Variants in FMN1 observed in about 807,000 individuals in gnomAD.
FMN1 encodes the protein formin-1.
A neutral mutation model predicts 132.4 loss-of-function variants in FMN1; 110 were observed. The ratio of observed to expected loss-of-function variants is 0.83; its 90% CI spans 0.71 to 0.97. FMN1 has a LOEUF of 0.97. Among genes scored for constraint, FMN1 ranks in the 50% least tolerant of loss-of-function variants. FMN1 has a pLI of 0.00. For synonymous variants in FMN1, 722 were observed against 651.7 expected, an observed-to-expected ratio of 1.11 and a Z score of -1.64; for missense variants, 1,792 against 1,705.3, an observed-to-expected ratio of 1.05 and a Z score of -0.90.
intron 17 of FMN1, among the ~76,000 whole-genome samples, chr15:32,838,500 A>G (rs1431707274): frequency 1.3e-5 from 2 of 152,172 alleles, no homozygotes; most frequent in East Asian, 3.9e-4. Context: ...AAACACAAAC[A>G]GCAGCAGCCG....
In FMN1 at chr15:32,767,893, T is replaced by G. The variant is rs2056100427; in HGVS notation, c.*6417A>C. Reference sequence around the variant, plus strand: ...ATGGAAATGGAAGCCTTCCAAATATTATGCAGAACACAATCTCAGTGGCGC... The same window carrying G: ...ATGGAAATGGAAGCCTTCCAAATATGATGCAGAACACAATCTCAGTGGCGC... On this transcript the variant is annotated 3_prime_UTR_variant, in exon 21 of 21. Coordinates refer to ENST00000616417, the MANE Select transcript of FMN1 (RefSeq NM_001277313.2). The G allele has an allele frequency of 6.6e-6, 1 of 152,216 alleles. No individual in the cohort carries two copies. The allele number at this position is 152,216 out of a possible 1,614,324, so 9.4% of individuals were successfully genotyped here.
intron 9 of FMN1, among the ~76,000 whole-genome samples, chr15:32,927,826 T>C (rs2140361579): frequency 6.6e-6 from 1 of 152,354 alleles, no homozygotes; most frequent in East Asian, 1.9e-4. Flanking sequence ...ACAAATGTTT[T>C]TAATGTGCTT....
At chr15:33,007,952 G>A in intron 7 of FMN1, 62 bp downstream of exon 7, 3 of 1,380,606 alleles carry the variant, frequency 2.2e-6, no homozygotes, top group East Asian at 2.4e-5. Flanking sequence ...ATTTACTTCA[G>A]CATAGGAGAA....
chr15:33,151,100 A>G, intron 4 of FMN1: 1 of 1,342,534 alleles, frequency 7.4e-7, no homozygotes, highest in Non-Finnish European at 9.6e-7. Flanking sequence ...GGGAAAATCA[A>G]GAGAGAAAAG....
chr15:33,130,500 T>A (rs1307059668), intron 4 of FMN1, among the ~76,000 whole-genome samples: 3 of 152,208 alleles, frequency 2.0e-5, no homozygotes, highest in Non-Finnish European at 4.4e-5. Context: ...GTTTAAAAAA[T>A]TAAGGTGATT....
chr15:32,806,609 G>A (rs934386277), intron 17 of FMN1, among the ~76,000 whole-genome samples: 5 of 152,194 alleles, frequency 3.3e-5, no homozygotes. Flanking sequence ...CTGCACTTAA[G>A]TCGGCTCCCT....
chr15:33,133,872 T>G (rs1963650647), intron 4 of FMN1, among the ~76,000 whole-genome samples: 1 of 152,222 alleles, frequency 6.6e-6, no homozygotes, highest in African/African-American at 2.4e-5. Flanking sequence ...CACAAAGCTT[T>G]TATAAGCCAT....
At chr15:32,940,963 T>C (rs927954449) in intron 9 of FMN1, among the ~76,000 whole-genome samples, 4 of 152,104 alleles carry the variant, frequency 2.6e-5, no homozygotes, top group Admixed American at 6.6e-5. Flanking sequence ...AGCTTCATCA[T>C]ATTAAAAGGA....
chr15:32,789,351 G>A (rs947008781), intron 19 of FMN1, among the ~76,000 whole-genome samples: 1 of 152,134 alleles, frequency 6.6e-6, no homozygotes, highest in South Asian at 2.1e-4. Flanking sequence ...GAAGGACACC[G>A]TATGTGATCA....
chr15:32,942,356 C>A (rs542783954), intron 9 of FMN1, among the ~76,000 whole-genome samples: 1 of 152,334 alleles, frequency 6.6e-6, no homozygotes, highest in Admixed American at 6.5e-5. Context: ...TAGAAAAGTT[C>A]TGCCAGACAG....
At chr15:33,014,629 C>G (rs765519799) in intron 6 of FMN1, among the ~76,000 whole-genome samples, 1 of 152,076 alleles carries the variant, frequency 6.6e-6, no homozygotes, top group Non-Finnish European at 1.5e-5. Flanking sequence ...TGGCAGGATT[C>G]AACATTTTGG....
intron 5 of FMN1, among the ~76,000 whole-genome samples, chr15:33,069,863 T>A (rs2037916057): frequency 6.6e-6 from 1 of 152,134 alleles, no homozygotes; most frequent in African/African-American, 2.4e-5. Flanking sequence ...AAAAATTCAA[T>A]GGTGTCTTTT....
At position 32,927,971 on chromosome 15, in the gene FMN1, C is replaced by T. The variant is rs560069491; in HGVS notation, c.3139-1710G>A. On this transcript the variant is annotated intron_variant, in intron 9 of 20. Coordinates refer to ENST00000616417, the MANE Select transcript of FMN1 (RefSeq NM_001277313.2). ...TACATTTGTATTATTACTGTAATAG[C>T]TGAGTTGCTTGCTGGTTGAAAAGTA... is the stretch of plus-strand genomic sequence containing the variant. 4.6e-5 allele frequency among the ~76,000 whole-genome samples: 7 copies of T among 152,314 alleles called. No homozygotes were observed. The East Asian group carries it at 1.3e-3, about 29-fold the overall frequency.
rs902773394 is a variant in FMN1, at chr15:33,153,459, TG to T, written c.1455del (p.Arg486GlufsTer201). On this transcript the variant is annotated frameshift_variant, in exon 4 of 21. Coordinates refer to ENST00000616417, the MANE Select transcript of FMN1 (RefSeq NM_001277313.2). LOFTEE classifies it high-confidence loss of function. The part of the protein sequence containing the change: ...PHKVGPDSSQ[P>X]RGDKKKPSPP... Reference sequence around the variant, plus strand: ...GGGGATGGCTTCTTCTTATCACCTCTGGGTTGTGAGGAGTCAGGACCTACTT... The same window carrying T: ...GGGGATGGCTTCTTCTTATCACCTCTGGTTGTGAGGAGTCAGGACCTACTT... 4 of 1,536,592 alleles carry T rather than the reference TG, an allele frequency of 2.6e-6. No homozygotes were observed. In the African/African-American group the frequency reaches 4.1e-5, roughly 16 times the overall value.
At chr15:32,962,934 G>A (rs2030749901) in intron 9 of FMN1, among the ~76,000 whole-genome samples, 1 of 141,812 alleles carries the variant, frequency 7.1e-6, no homozygotes, top group African/African-American at 2.8e-5. Context: ...AGTCAGTGTG[G>A]CGATTCCTCA....
At chr15:32,891,490 G>A (rs532017906) in intron 15 of FMN1, among the ~76,000 whole-genome samples, 5 of 152,204 alleles carry the variant, frequency 3.3e-5, no homozygotes, top group Non-Finnish European at 5.9e-5. Flanking sequence ...GATCTGCCTC[G>A]GCATTCCAAC....
intron 3 of FMN1, among the ~76,000 whole-genome samples, chr15:33,168,502 G>A (rs1595593432): frequency 6.6e-6 from 1 of 152,188 alleles, no homozygotes; most frequent in Admixed American, 6.5e-5. Context: ...GTTTCTGTCA[G>A]AGCCTAGAGA....
At chr15:33,051,565 C>G (rs1191386991) in intron 6 of FMN1, among the ~76,000 whole-genome samples, 1 of 152,182 alleles carries the variant, frequency 6.6e-6, no homozygotes, top group Non-Finnish European at 1.5e-5. Context: ...ACACCTGAAA[C>G]TGGTGATCAG....
intron 6 of FMN1, among the ~76,000 whole-genome samples, chr15:33,053,653 C>T (rs1595362791): frequency 6.6e-6 from 1 of 152,038 alleles, no homozygotes; most frequent in East Asian, 1.9e-4. Context: ...TTGATAATTT[C>T]CTGGAAAAGA....
Sources: allele counts gnomAD v4.1 joint callset (sites outside exome capture counted in the v4.1 genomes callset), GRCh38; gene constraint gnomAD v4.1.1; transcripts MANE v1.5; gene names NCBI Gene and HGNC (gene_info 2026-07-23, HGNC 2026-07-21).